BRI3: variants seen among roughly 807,000 people sequenced by gnomAD.
BRI3 encodes the protein brain protein I3.
In BRI3, 6 loss-of-function variants were observed where a neutral mutation model predicts 12.8. The observed-to-expected ratio is 0.47, with a 90% confidence interval of 0.26 to 0.93. BRI3 has a LOEUF of 0.93. Ranked by LOEUF, BRI3 falls within the 40% of genes least tolerant of loss-of-function variation. BRI3 has a pLI of 0.15. For missense variants in BRI3, 134 were observed against 171.1 expected, an observed-to-expected ratio of 0.78 and a Z score of 1.21; for synonymous variants, 91 against 76.1, an observed-to-expected ratio of 1.20 and a Z score of -1.02.
downstream of BRI3, chr7:98,293,072 T>C: frequency 1.5e-6 from 1 of 664,782 alleles, no homozygotes; most frequent in Non-Finnish European, 1.9e-6. Flanking sequence ...ATTTGCATGC[T>C]AAGATGCAAA....
intron 2 of BRI3, among the ~76,000 whole-genome samples, chr7:98,284,704 C>T (rs965918971): frequency 1.2e-4 from 18 of 152,246 alleles, no homozygotes; most frequent in African/African-American, 2.2e-4. Context: ...CAGAGAAGCC[C>T]GTGTCCCTTG....
At chr7:98,292,684 T>TAC (rs368226903), downstream of BRI3, 391 of 1,551,674 alleles carry the variant, frequency 2.5e-4, 1 homozygote, top group African/African-American at 4.6e-3. Flanking sequence ...TGAGAGTCTG[T>TAC]ACCTGATTCA....
At chr7:98,308,272 C>A (rs1236960023) in exon 2 of BRI3, 1 of 471,306 alleles carries the variant, frequency 2.1e-6, no homozygotes, top group African/African-American at 2.0e-5. Context: ...ATCGCAAAGG[C>A]AGGCTAGGGC....
downstream of BRI3, among the ~76,000 whole-genome samples, chr7:98,295,963 C>G (rs1222211068): frequency 6.6e-6 from 1 of 152,202 alleles, no homozygotes; most frequent in African/African-American, 2.4e-5. Flanking sequence ...TGGGGCCCAA[C>G]AATCCTGCTC....
downstream of BRI3, chr7:98,294,081 A>G (rs1800082156): frequency 6.2e-7 from 1 of 1,614,056 alleles, no homozygotes; most frequent in Non-Finnish European, 8.5e-7. Context: ...TACCTGAGAA[A>G]AGGCGGCTTT....
chr7:98,315,884 T>G, the BRI3 span, among the ~76,000 whole-genome samples: 1 of 152,150 alleles, frequency 6.6e-6, no homozygotes, highest in African/African-American at 2.4e-5. Flanking sequence ...ACTTCAGAGA[T>G]ATGATCGTGT....
chr7:98,311,505 C>A (rs148394257), downstream of BRI3, among the ~76,000 whole-genome samples: 34 of 151,638 alleles, frequency 2.2e-4, no homozygotes, highest in African/African-American at 7.7e-4. Flanking sequence ...TGCGCCATTG[C>A]ACTCCAGCCT....
downstream of BRI3, among the ~76,000 whole-genome samples, chr7:98,294,656 C>T (rs1584409494): frequency 1.3e-5 from 2 of 152,236 alleles, no homozygotes; most frequent in East Asian, 3.8e-4. Flanking sequence ...AGGTCCTCAG[C>T]CACGGTCTTT....
intron 1 of BRI3, among the ~76,000 whole-genome samples, 187 bp downstream of exon 1, chr7:98,282,124 C>G (rs574270838): frequency 6.6e-6 from 1 of 152,192 alleles, no homozygotes; most frequent in Non-Finnish European, 1.5e-5. Context: ...TCCTCGGGCC[C>G]GTCGTAACCC....
chr7:98,313,635 TGA>T (rs1800960320), downstream of BRI3, among the ~76,000 whole-genome samples: 2 of 152,162 alleles, frequency 1.3e-5, no homozygotes, highest in African/African-American at 2.4e-5. Flanking sequence ...TCTGCTTTTT[TGA>T]GAGAGGATTT....
downstream of BRI3, among the ~76,000 whole-genome samples, chr7:98,295,070 C>T (rs891738379): frequency 2.0e-5 from 3 of 152,236 alleles, no homozygotes; most frequent in Non-Finnish European, 2.9e-5. Context: ...CCCCAGGAAG[C>T]GTCCCAGCAC....
downstream of BRI3, among the ~76,000 whole-genome samples, chr7:98,295,806 C>T (rs1229596904): frequency 6.6e-6 from 1 of 152,162 alleles, no homozygotes; most frequent in African/African-American, 2.4e-5. Flanking sequence ...TGGGCCCCCA[C>T]GGGACTTTAA....
chr7:98,320,443 C>T, the BRI3 span: 1 of 636,894 alleles, frequency 1.6e-6, no homozygotes, highest in South Asian at 2.0e-5. Flanking sequence ...TCAAACTATT[C>T]TCCTGCCTCA....
Position 98,283,604 on chromosome 7 carries a change from G to A in BRI3, c.245+1151G>A, listed in dbSNP as rs145661485. Among the ~76,000 whole-genome samples, 259 of 152,306 alleles carry A rather than the reference G, an allele frequency of 1.7e-3. 2 individuals carry two copies. The East Asian group carries it at 0.031, about 18-fold the overall frequency. On this transcript the variant is annotated intron_variant, in intron 2 of 2. Coordinates refer to ENST00000297290, the MANE Select transcript of BRI3 (RefSeq NM_015379.5). ...CTCTCCCGGAGCTGCACCGGGTTGG[G>A]GGGCTGGCAGAGCTGTGTGAGTGTG...
downstream of BRI3, chr7:98,310,618 A>G: frequency 1.3e-6 from 2 of 1,533,752 alleles, no homozygotes; most frequent in East Asian, 4.8e-5. Flanking sequence ...TATTAGTCCA[A>G]TATTAGTATA....
chr7:98,281,827 CG>C lies in BRI3; in HGVS notation c.33del (p.Ala13ProfsTer63). The C allele has an allele frequency of 7.9e-7, 1 of 1,264,438 alleles. No individual in the cohort carries two copies. The allele number at this position is 1,264,438 out of a possible 1,614,324, so 78.3% of individuals were successfully genotyped here. Reference protein sequence around the residue: MDHKPLLQERPPAYNLEAGQG... With the variant: MDHKPLLQERXPAYNLEAGQG... ...CACAAGCCGCTGCTGCAGGAGCGGC[CG>C]CCCGCCTACAACCTGGAGGCCGGCC... On this transcript the variant is annotated frameshift_variant, in exon 1 of 3. Coordinates refer to ENST00000297290, the MANE Select transcript of BRI3 (RefSeq NM_015379.5). LOFTEE classifies it high-confidence loss of function.
the BRI3 span, chr7:98,320,306 C>A: frequency 6.3e-7 from 1 of 1,583,142 alleles, no homozygotes; most frequent in East Asian, 2.2e-5. Context: ...GTCCTGGGAA[C>A]AAAACCAGAT....
rs1584388788 is a variant in BRI3 at position 98,284,387 on chromosome 7, C to T, written c.245+1934C>T. Among the ~76,000 whole-genome samples the T allele has an allele frequency of 4.6e-5, 7 of 152,298 alleles. No homozygotes were observed. In the East Asian group the frequency reaches 1.2e-3, roughly 25 times the overall value. On this transcript the variant is annotated intron_variant, in intron 2 of 2. Transcript: ENST00000297290. ...CAGCTGCATTGGGCATGGGATGGGC[C>T]CCTGTGCCCTGTGGCAGCCAGAGGG... is the stretch of plus-strand genomic sequence containing the variant.
the BRI3 span, among the ~76,000 whole-genome samples, chr7:98,317,714 G>A: frequency 1.3e-3 from 195 of 146,234 alleles, no homozygotes; most frequent in African/African-American, 3.9e-3. Flanking sequence ...CCATCACCCC[G>A]CAGTTCACAC....
Sources: gnomAD v4.1 joint callset for allele counts (sites outside exome capture counted in the v4.1 genomes callset) on GRCh38, gnomAD v4.1.1 for gene constraint, MANE v1.5 for transcripts, NCBI Gene and HGNC (gene_info 2026-07-23, HGNC 2026-07-21) for gene names.